The following NRG1 variants were observed in gnomAD, a reference collection of about 807,000 sequenced individuals.
NRG1 encodes the protein neuregulin 1.
A neutral mutation model predicts 63.8 loss-of-function variants in NRG1; 18 were observed. The observed-to-expected ratio is 0.28, with a 90% CI of 0.19 to 0.42. The LOEUF (loss-of-function observed/expected upper bound fraction) is 0.42, where lower values mean the gene tolerates loss of function less well. NRG1 is among the 10% of genes least tolerant of loss of function. The pLI is 1.00. For missense variants in NRG1, 762 were observed against 814.7 expected (o/e 0.94, Z 0.79); for synonymous variants, 302 against 301.3 (o/e 1.00, Z -0.02).
chr8:31,991,363 TTCCTCC>T (rs1164043179), intron 1 of NRG1, among the ~76,000 whole-genome samples: 1 of 77,504 alleles, frequency 1.3e-5, no homozygotes, highest in Non-Finnish European at 3.4e-5. Context: ...TCTTCTTTCT[TTCCTCC>T]TCCTCCTCCT....
intron 6 of NRG1, among the ~76,000 whole-genome samples, chr8:32,733,606 A>C (rs1016642997): frequency 2.0e-5 from 3 of 152,206 alleles, no homozygotes; most frequent in Admixed American, 6.5e-5. Context: ...ATAATGGAAC[A>C]CTAAGCATAA....
chr8:32,614,206 T>G (rs1846889184), intron 3 of NRG1, among the ~76,000 whole-genome samples: 1 of 152,076 alleles, frequency 6.6e-6, no homozygotes, highest in Non-Finnish European at 1.5e-5. Flanking sequence ...ATTTCGACTT[T>G]TCTTCCTGAG....
intron 1 of NRG1, among the ~76,000 whole-genome samples, chr8:31,953,075 A>T (rs1208475273): frequency 1.3e-5 from 2 of 152,162 alleles, no homozygotes; most frequent in Admixed American, 1.3e-4. Context: ...TTCAATAGCA[A>T]GTGAGCCCCA....
chr8:31,858,713 C>T (rs1178577532), intron 1 of NRG1, among the ~76,000 whole-genome samples: 1 of 152,122 alleles, frequency 6.6e-6, no homozygotes, highest in African/African-American at 2.4e-5. Flanking sequence ...GGATGTTCAG[C>T]AAATCAGTGC....
At chr8:32,178,192 G>A (rs189121710) in intron 1 of NRG1, among the ~76,000 whole-genome samples, 111 of 152,220 alleles carry the variant, frequency 7.3e-4, no homozygotes, top group African/African-American at 2.6e-3. Flanking sequence ...TTGAGAGAAG[G>A]ACTAATGAGA....
At chr8:32,719,313 A>G (rs1283284651) in intron 5 of NRG1, among the ~76,000 whole-genome samples, 1 of 152,030 alleles carries the variant, frequency 6.6e-6, no homozygotes, top group Non-Finnish European at 1.5e-5. Context: ...CATATTAAAA[A>G]CCTGAAAATA....
At chr8:31,663,237 A>G (rs1211065578) in intron 1 of NRG1, among the ~76,000 whole-genome samples, 1 of 152,166 alleles carries the variant, frequency 6.6e-6, no homozygotes, top group East Asian at 1.9e-4. Flanking sequence ...TTGTGCCTAA[A>G]CTTTGTATAC....
intron 7 of NRG1, among the ~76,000 whole-genome samples, chr8:32,773,148 G>A (rs1280231292): frequency 1.3e-5 from 2 of 152,176 alleles, no homozygotes; most frequent in Non-Finnish European, 2.9e-5. Context: ...TAGAGAAATT[G>A]TATTGAACTA....
chr8:32,474,945 T>C (rs769986528), intron 1 of NRG1, among the ~76,000 whole-genome samples: 4 of 152,170 alleles, frequency 2.6e-5, no homozygotes, highest in Non-Finnish European at 5.9e-5. Context: ...CATAGGATCA[T>C]AGGATTGCTC....
chr8:31,795,046 G>A (rs1008362987), intron 1 of NRG1, among the ~76,000 whole-genome samples: 2 of 152,014 alleles, frequency 1.3e-5, no homozygotes, highest in Non-Finnish European at 2.9e-5. Flanking sequence ...CAAGTGATAC[G>A]CCTGCCTTAG....
rs534903579 is a variant in NRG1 at position 31,818,272 on chromosome 8, T to C, written c.37+178841T>C. Among the ~76,000 whole-genome samples the C allele has an allele frequency of 2.6e-5, 4 of 152,330 alleles. No homozygotes were observed. The East Asian group carries it at 5.8e-4, about 22-fold the overall frequency. ...AATGATTTGTTGACATGAGGATTTC[T>C]GGGTTCATGATGGATTCACATTAAA... On this transcript the variant is annotated intron_variant, in intron 1 of 10. Transcript: ENST00000519301.
intron 1 of NRG1, among the ~76,000 whole-genome samples, chr8:31,958,578 G>T (rs1804869909): frequency 6.6e-6 from 1 of 152,148 alleles, no homozygotes; most frequent in South Asian, 2.1e-4. Flanking sequence ...ATATGCTATT[G>T]CTCTAAGTGG....
intron 1 of NRG1, among the ~76,000 whole-genome samples, chr8:32,277,304 T>C (rs1852215662): frequency 6.6e-6 from 1 of 152,208 alleles, no homozygotes; most frequent in Admixed American, 6.5e-5. Flanking sequence ...AAATATTTTA[T>C]TGTAAGTTCA....
chr8:32,434,259 A>C (rs1818515638), intron 1 of NRG1, among the ~76,000 whole-genome samples: 1 of 152,134 alleles, frequency 6.6e-6, no homozygotes, highest in African/African-American at 2.4e-5. Flanking sequence ...AACTTCCATG[A>C]ATTGGGTACA....
At chr8:32,456,194 T>G (rs553412565) in intron 1 of NRG1, among the ~76,000 whole-genome samples, 2 of 152,338 alleles carry the variant, frequency 1.3e-5, no homozygotes, top group Non-Finnish European at 2.9e-5. Context: ...ACAACCGAAT[T>G]TTCATTTTCA....
Position 31,980,922 on chromosome 8 carries a change from T to C in NRG1, c.37+341491T>C, listed in dbSNP as rs1183304233. Reference sequence around the variant, plus strand: ...TGTCAATGAATGTGACAATGTTCTATGTAAGTAGCAATCGAGGAATGACTG... The same window carrying C: ...TGTCAATGAATGTGACAATGTTCTACGTAAGTAGCAATCGAGGAATGACTG... On this transcript the variant is annotated intron_variant, in intron 1 of 10. Coordinates refer to the NRG1 transcript ENST00000519301. Among the ~76,000 whole-genome samples the C allele has an allele frequency of 2.0e-5, 3 of 152,070 alleles. No homozygotes were observed. The East Asian group carries it at 5.8e-4, about 29-fold the overall frequency.
chr8:32,120,619 A>G (rs1388756309), intron 1 of NRG1, among the ~76,000 whole-genome samples: 3 of 152,070 alleles, frequency 2.0e-5, no homozygotes, highest in African/African-American at 7.2e-5. Flanking sequence ...ATCTCTAGAA[A>G]GAAGTTTTTT....
chr8:32,245,615 C>T (rs902659899), intron 1 of NRG1, among the ~76,000 whole-genome samples: 2 of 152,088 alleles, frequency 1.3e-5, no homozygotes, highest in Admixed American at 1.3e-4. Flanking sequence ...TGAAACAAAA[C>T]ATTTCTCTCT....
intron 1 of NRG1, among the ~76,000 whole-genome samples, chr8:31,805,827 CAAA>C (rs58107730): frequency 9.5e-6 from 1 of 105,316 alleles, no homozygotes; most frequent in Non-Finnish European, 1.8e-5. Context: ...GACTCCGTCT[CAAA>C]AAAAAAAAAA....
Sources: gnomAD v4.1 joint callset for allele counts (sites outside exome capture counted in the v4.1 genomes callset) on GRCh38, gnomAD v4.1.1 for gene constraint, MANE v1.5 for transcripts, NCBI Gene and HGNC (gene_info 2026-07-23, HGNC 2026-07-21) for gene names.